ATP6V0A1: variants seen among roughly 807,000 people sequenced by gnomAD.
ATP6V0A1 encodes the protein ATPase H+ transporting V0 subunit a1, also known as V-type proton ATPase 116 kDa subunit a 1.
Under a neutral mutation model 105.4 loss-of-function variants are expected in ATP6V0A1, and 43 were observed. The observed-to-expected ratio is 0.41, with a 90% CI of 0.32 to 0.53. The LOEUF (loss-of-function observed/expected upper bound fraction) is 0.53, where lower values mean the gene tolerates loss of function less well. Among genes scored for constraint, ATP6V0A1 ranks in the 20% least tolerant of loss-of-function variants. ATP6V0A1 has a pLI of 0.30. For missense variants in ATP6V0A1, 676 were observed against 1,051.1 expected, an observed-to-expected ratio of 0.64 and a Z score of 4.93; for synonymous variants, 362 against 372.8, an observed-to-expected ratio of 0.97 and a Z score of 0.33.
intron 8 of ATP6V0A1, 143 bp from the exon 9 acceptor site, chr17:42,482,895 C>CAAA (rs71359573): frequency 1.6e-3 from 235 of 148,066 alleles, no homozygotes; most frequent in East Asian, 2.7e-3. Context: ...AACTCTGTCT[C>CAAA]AAAAAAAAAA....
chr17:42,505,268 C>T (rs945702140), intron 17 of ATP6V0A1, among the ~76,000 whole-genome samples: 3 of 152,120 alleles, frequency 2.0e-5, no homozygotes, highest in Non-Finnish European at 4.4e-5. Flanking sequence ...TGCAGTGGCA[C>T]GATCTTGGCT....
At position 42,508,577 on chromosome 17, in the gene ATP6V0A1, C is replaced by T. The variant is rs558493432; in HGVS notation, c.2118C>T (p.Ser706=). The T allele has an allele frequency of 5.0e-6, 8 of 1,613,930 alleles. No individual in the cohort carries two copies. Among genetic ancestry groups the T allele is most frequent in the Middle Eastern group, 1.6e-4 (1 of 6,062 alleles). ...STHSEDADEP[S]EDEVFDFGDT... ...TGTAAATTTGTGTTTTCAAGCCTTC[C>T]GAGGACGAAGTGGTAAGATGAAAGC... Residue 706 remains serine, a synonymous_variant, in exon 19 of 22, where the codon TCC becomes TCT. Transcript: ENST00000343619.
intron 3 of ATP6V0A1, 21 bp from the exon 4 acceptor site, chr17:42,467,989 G>A: frequency 1.3e-6 from 2 of 1,553,450 alleles, no homozygotes; most frequent in South Asian, 1.1e-5. Context: ...AGACATGAAT[G>A]TTTTGATTCT....
At position 42,466,496 on chromosome 17, in the gene ATP6V0A1, A is replaced by G. The variant is rs371946847; in HGVS notation, c.185A>G (p.Asp62Gly). ...GAAGTTAGAAGATGTGAAGAAATGG[A>G]TCGAAAGCTTCGTATGTGCACTTTG... ...VNEVRRCEEM[D>G]RKLRFVEKEI... is the part of the protein sequence containing the mutation. The change falls in exon 3 of 22, where the codon GAT (aspartate) becomes GGT (glycine). Residue 62 changes from aspartate to glycine, a missense_variant. Physicochemically the swap from Asp to Gly is moderately conservative, Grantham distance 94. Transcript: ENST00000343619. The G allele has an allele frequency of 6.8e-6, 11 of 1,612,970 alleles. No individual in the cohort carries two copies. The highest frequency in any genetic ancestry group is 9.3e-6 in the Non-Finnish European group (11 of 1,179,092).
At chr17:42,460,518 C>T (rs2086279898) in intron 1 of ATP6V0A1, 1 of 193,886 alleles carries the variant, frequency 5.2e-6, no homozygotes. Flanking sequence ...AATATTGTGT[C>T]CTGGGTATTT....
chr17:42,512,778 CGTGGGTTT>C (rs1188135250), intron 19 of ATP6V0A1, among the ~76,000 whole-genome samples: 1 of 152,180 alleles, frequency 6.6e-6, no homozygotes, highest in African/African-American at 2.4e-5. Context: ...AGTGGAATCA[CGTGGGTTT>C]TGAAAGGAAC....
At chr17:42,494,775 A>AT (rs1465349875) in intron 12 of ATP6V0A1, 1 of 481,390 alleles carries the variant, frequency 2.1e-6, no homozygotes, top group African/African-American at 1.9e-5. Context: ...TTTGGTGCAA[A>AT]AGTTATTGCG....
intron 19 of ATP6V0A1, among the ~76,000 whole-genome samples, chr17:42,512,026 G>A (rs1250040310): frequency 2.0e-5 from 3 of 152,188 alleles, no homozygotes; most frequent in Non-Finnish European, 4.4e-5. Flanking sequence ...TTGTGGAGGA[G>A]TGAAGGTGGA....
In ATP6V0A1 at chr17:42,495,647, C is replaced by A. The variant is rs766219895; in HGVS notation, c.1491C>A (p.Asn497Lys). ...YNWTEETLRG[N>K]PVLQLNPALP... ...GTAGTGAAGAGACGCTTCGGGGGAA[C>A]CCTGTTCTACAGCTGAACCCAGCCC... is the stretch of plus-strand genomic sequence containing the variant. The change falls in exon 14 of 22, where the codon AAC becomes AAA. Residue 497 changes from asparagine (N) to lysine (K), a missense_variant. Physicochemically the swap from Asn to Lys is moderately conservative, Grantham distance 94 (BLOSUM62 0). This residue lies in a region of ATP6V0A1 where 435 missense variants were observed against 642.2 expected (regional missense o/e 0.68). Coordinates refer to ENST00000343619, the MANE Select transcript of ATP6V0A1 (RefSeq NM_001130021.3). 6.2e-7 allele frequency: 1 copy of A among 1,613,920 alleles called. No homozygotes were observed. The highest frequency in any genetic ancestry group is 1.1e-5 in the South Asian group (1 of 91,062).
At chr17:42,490,349 G>T in intron 10 of ATP6V0A1, 138 bp from the exon 11 acceptor site, 1 of 733,046 alleles carries the variant, frequency 1.4e-6, no homozygotes. Context: ...TAGTTTTATT[G>T]AGATATAATT....
chr17:42,514,162 G>A (rs2146303275), intron 20 of ATP6V0A1, 127 bp from the exon 21 acceptor site: 1 of 1,322,892 alleles, frequency 7.6e-7, no homozygotes, highest in Non-Finnish European at 1.1e-6. Flanking sequence ...CTGCATGGTG[G>A]TCCCACTAAG....
chr17:42,500,713 C>G lies in ATP6V0A1; in HGVS notation c.1686C>G (p.Phe562Leu). ...TTTTCTCTCTCCTTTTTAGCTATTT[C>G]AAGAAGCCCCTGAATATCTACTTTG... ...VSLSLFNHIY[F>L]KKPLNIYFGF... The change falls in exon 16 of 22, where the codon TTC becomes TTG. Residue 562 changes from phenylalanine (F) to leucine (L), a missense_variant. Physicochemically the swap from Phe to Leu is conservative, Grantham distance 22. Around this residue, in one of 3 missense-constraint regions of ATP6V0A1, gnomAD observed 435 missense variants for 642.2 expected, o/e 0.68. Transcript: ENST00000343619. 1 of 1,612,202 alleles carries G rather than the reference C, an allele frequency of 6.2e-7. No individual in the cohort carries two copies. The highest frequency in any genetic ancestry group is 8.5e-7 in the Non-Finnish European group (1 of 1,178,416).
intron 3 of ATP6V0A1, 106 bp downstream of exon 3, chr17:42,466,613 G>A: frequency 1.9e-6 from 2 of 1,035,204 alleles, no homozygotes; most frequent in East Asian, 4.9e-5. Flanking sequence ...AAGAGAAAAG[G>A]GAAAAATCTT....
chr17:42,489,583 G>C (rs1246672982), intron 10 of ATP6V0A1, among the ~76,000 whole-genome samples: 1 of 152,134 alleles, frequency 6.6e-6, no homozygotes, highest in Admixed American at 6.6e-5. Flanking sequence ...AGGGCTACCT[G>C]GTTCCTAGCA....
At chr17:42,501,402 A>C (rs2091656301) in intron 17 of ATP6V0A1, 98 bp downstream of exon 17, 2 of 933,604 alleles carry the variant, frequency 2.1e-6, no homozygotes, top group Non-Finnish European at 3.2e-6. Flanking sequence ...ACAAATCTAT[A>C]TATTCTTTTT....
intron 14 of ATP6V0A1, 88 bp downstream of exon 14, chr17:42,495,804 T>C (rs2146047384): frequency 8.3e-7 from 1 of 1,210,806 alleles, no homozygotes; most frequent in African/African-American, 1.5e-5. Context: ...TAAATAGTTA[T>C]GTGGGCTTTC....
chr17:42,516,630 C>T (rs529775629), intron 21 of ATP6V0A1, among the ~76,000 whole-genome samples: 3 of 152,344 alleles, frequency 2.0e-5, no homozygotes, highest in Non-Finnish European at 2.9e-5. Context: ...TTCCAGCCCA[C>T]GTGGGTAGCC....
At chr17:42,494,913 T>A (rs570150770) in intron 12 of ATP6V0A1, 121 bp from the exon 13 acceptor site, 491 of 1,094,726 alleles carry the variant, frequency 4.5e-4, no homozygotes, top group Non-Finnish European at 6.1e-4. Flanking sequence ...TACTTCAAGC[T>A]CTCTGAATCA....
At chr17:42,497,622 G>A (rs1389927479) in intron 14 of ATP6V0A1, among the ~76,000 whole-genome samples, 5 of 149,840 alleles carry the variant, frequency 3.3e-5, no homozygotes, top group African/African-American at 4.9e-5. Context: ...GTAGCGAGCC[G>A]AGATCATGCC....
Sources: allele counts gnomAD v4.1 joint callset (sites outside exome capture counted in the v4.1 genomes callset), GRCh38; gene constraint gnomAD v4.1.1; regional missense constraint gnomAD v4.1.1; transcripts MANE v1.5; gene names NCBI Gene and HGNC (gene_info 2026-07-23, HGNC 2026-07-21).